TET3: variants seen among roughly 807,000 people sequenced by gnomAD.
TET3 encodes methylcytosine dioxygenase TET3.
TET3 carries 19 observed loss-of-function variants against 141.4 expected under a neutral mutation model. That is an observed-to-expected ratio of 0.13 (90% CI 0.09 to 0.20). The LOEUF is 0.20. TET3 is among the 10% of genes least tolerant of loss of function. TET3 has a pLI of 1.00. For synonymous variants in TET3, 1,043 were observed against 980.9 expected, an observed-to-expected ratio of 1.06 and a Z score of -1.18; for missense variants, 1,874 against 2,356.9, an observed-to-expected ratio of 0.80 and a Z score of 4.24.
chr2:74,020,334 C>A (rs2105237865), intron 3 of TET3, among the ~76,000 whole-genome samples: 1 of 152,300 alleles, frequency 6.6e-6, no homozygotes, highest in East Asian at 1.9e-4. Flanking sequence ...CAGGTGCATA[C>A]CACCACACCC....
At position 73,986,467 on chromosome 2, in the gene TET3, C is replaced by T; in HGVS notation, c.64C>T (p.Gln22Ter). ...PDLPGLYDFP[Q>*]RQVMVGSFPG... The stretch of plus-strand genomic sequence containing the variant: ...CCTGCCAGGCCTTTATGACTTCCCT[C>T]AGCGCCAGGTGATGGTAGGGAGCTT... The change falls in exon 2 of 12, where the codon CAG becomes TAG. Residue 22 changes from glutamine to a stop codon, truncating the protein, a stop_gained. Coordinates refer to ENST00000409262, the MANE Select transcript of TET3 (RefSeq NM_001287491.2). LOFTEE classifies it high-confidence loss of function. 1 of 1,232,234 alleles carries T rather than the reference C, an allele frequency of 8.1e-7. No individual in the cohort carries two copies. Among genetic ancestry groups the T allele is most frequent in the Non-Finnish European group, 1.0e-6 (1 of 988,060 alleles). The allele number at this position is 1,232,234 out of a possible 1,614,324, so 76.3% of individuals were successfully genotyped here. A position where few individuals can be genotyped will look rare whatever the true frequency, so the allele number is the denominator to read the frequency against.
chr2:74,081,212 C>G (rs983435408), intron 6 of TET3, among the ~76,000 whole-genome samples: 1 of 152,170 alleles, frequency 6.6e-6, no homozygotes, highest in African/African-American at 2.4e-5. Context: ...CCCAAGTCAC[C>G]AAACAGAGTC....
intron 3 of TET3, among the ~76,000 whole-genome samples, chr2:74,030,420 A>T (rs1319198685): frequency 6.6e-6 from 1 of 152,138 alleles, no homozygotes; most frequent in Non-Finnish European, 1.5e-5. Context: ...GTTGAATTGT[A>T]TCATAGTTTA....
rs1347585606 is a variant in TET3, at chr2:74,099,558, C to G, written c.3550C>G (p.Pro1184Ala). ...GATTCAGAAGGAGAAGCTGAGCACT[C>G]CGGAGAAGATCAAGCAGGAGGCCCT... ...KKIQKEKLSTPEKIKQEALEL... is the reference protein window; with the variant it reads ...KKIQKEKLSTAEKIKQEALEL... The change falls in exon 11 of 12, where the codon CCG becomes GCG. Residue 1184 changes from proline (P) to alanine (A), a missense_variant. Transcript: ENST00000409262. The G allele has an allele frequency of 1.0e-5, 16 of 1,607,738 alleles. No individual in the cohort carries two copies. Among genetic ancestry groups the G allele is most frequent in the Non-Finnish European group, 1.1e-5 (13 of 1,176,908 alleles).
chr2:74,096,645 G>A (rs1358681732), intron 10 of TET3, among the ~76,000 whole-genome samples: 1 of 152,108 alleles, frequency 6.6e-6, no homozygotes, highest in East Asian at 1.9e-4. Context: ...GCAGGCGCCT[G>A]TAATCCCAGC....
Position 74,093,339 on chromosome 2 carries a change from C to T in TET3, c.3130-190C>T, listed in dbSNP as rs1690620588. Among the ~76,000 whole-genome samples the T allele has an allele frequency of 6.6e-6, 1 of 152,134 alleles. No individual in the cohort carries two copies. The highest frequency in any genetic ancestry group is 2.1e-4 in the South Asian group (1 of 4,828). ...TGGGATAACCCAGAAGGAAGTAATTCCTACAGGAGACTGAAAGTAACTTTT... is the reference window on the plus strand; with the variant it reads ...TGGGATAACCCAGAAGGAAGTAATTTCTACAGGAGACTGAAAGTAACTTTT... On this transcript the variant is annotated intron_variant, in intron 9 of 11. Transcript: ENST00000409262. The surrounding 1 kb of genome is among the most constrained non-coding windows in gnomAD (Gnocchi z 4.2).
chr2:74,032,644 C>T (rs1424244431), intron 3 of TET3, among the ~76,000 whole-genome samples: 4 of 152,072 alleles, frequency 2.6e-5, no homozygotes, highest in Non-Finnish European at 4.4e-5. Flanking sequence ...GCTCGATTTC[C>T]TCCCGGCTGG....
At chr2:74,011,584 G>A (rs1477516575) in intron 3 of TET3, among the ~76,000 whole-genome samples, 2 of 152,134 alleles carry the variant, frequency 1.3e-5, no homozygotes, top group South Asian at 4.1e-4. Context: ...GCTCCTCCCC[G>A]GTGTCACTCT....
intron 2 of TET3, among the ~76,000 whole-genome samples, chr2:73,987,039 C>T (rs1684064340): frequency 6.6e-6 from 1 of 152,164 alleles, no homozygotes; most frequent in Non-Finnish European, 1.5e-5. Flanking sequence ...CATGCTAATG[C>T]TTGGATGACT....
At chr2:73,997,572 C>G (rs1684656649) in intron 2 of TET3, among the ~76,000 whole-genome samples, 1 of 152,128 alleles carries the variant, frequency 6.6e-6, no homozygotes, top group African/African-American at 2.4e-5. Context: ...AGAGAGACAC[C>G]TTCCTGGTGT....
At chr2:74,064,810 T>C (rs1688793273) in intron 4 of TET3, among the ~76,000 whole-genome samples, 1 of 152,188 alleles carries the variant, frequency 6.6e-6, no homozygotes, top group Non-Finnish European at 1.5e-5. Flanking sequence ...TATTAATAAA[T>C]GGTAAATATG....
chr2:73,992,810 A>G (rs938991455), intron 2 of TET3, among the ~76,000 whole-genome samples: 1 of 152,230 alleles, frequency 6.6e-6, no homozygotes, highest in Non-Finnish European at 1.5e-5. Flanking sequence ...TGAGAGTTCT[A>G]GAACAGATTG....
chr2:74,018,365 G>A (rs6546885), intron 3 of TET3, among the ~76,000 whole-genome samples: 59,001 of 152,022 alleles, frequency 0.39, 14,301 homozygotes, highest in African/African-American at 0.69. Flanking sequence ...ATTTTGGCCT[G>A]TTTGTCTTTC....
At chr2:74,129,028 G>T in the TET3 span, among the ~76,000 whole-genome samples, 13 of 142,830 alleles carry the variant, frequency 9.1e-5, no homozygotes, top group African/African-American at 3.2e-4. Context: ...GGCTGGGCAT[G>T]ATGGCTCACA....
chr2:74,102,031 G>A lies in TET3; in HGVS notation c.5243G>A (p.Gly1748Asp), dbSNP rs771875552. 6.4e-7 allele frequency: 1 copy of A among 1,559,086 alleles called. No homozygotes were observed. The highest frequency in any genetic ancestry group is 2.3e-5 in the East Asian group (1 of 44,136). Residue 1748 changes from glycine to aspartate, a missense_variant, in exon 12 of 12, where the codon GGC becomes GAC. Physicochemically the swap from Gly to Asp is moderately conservative, Grantham distance 94. This residue lies in a region of TET3 where 113 missense variants were observed against 114.3 expected (regional missense o/e 0.99). Coordinates refer to ENST00000409262, the MANE Select transcript of TET3 (RefSeq NM_001287491.2). ...KLYGKKRKWG[G>D]TVVAEPQQKE... ...TACGGGAAGAAGCGCAAGTGGGGGGGCACTGTGGTTGCTGAGCCCCAGCAG... is the reference window on the plus strand; with the variant it reads ...TACGGGAAGAAGCGCAAGTGGGGGGACACTGTGGTTGCTGAGCCCCAGCAG...
Position 74,101,646 on chromosome 2 carries a change from G to A in TET3, c.4858G>A (p.Gly1620Arg). 6.2e-7 allele frequency: 1 copy of A among 1,613,732 alleles called. No homozygotes were observed. Among genetic ancestry groups the A allele is most frequent in the Middle Eastern group, 1.7e-4 (1 of 6,060 alleles). Residue 1620 changes from glycine (G) to arginine (R), a missense_variant, in exon 12 of 12, where the codon GGA (glycine) becomes AGA (arginine). This residue lies in a region of TET3 where 602 missense variants were observed against 590.2 expected (regional missense o/e 1.02). Coordinates refer to ENST00000409262, the MANE Select transcript of TET3 (RefSeq NM_001287491.2). This position sits in a 1 kb window ranked among gnomAD's most constrained non-coding sequence, Gnocchi z 8.5. The stretch of plus-strand genomic sequence containing the variant: ...GCCGGCTGAGGAGCCCCCCAGCAAG[G>A]GAGCGGTGAAGGAGGAGAAGGGCGG... ...EGPAEEPPSK[G>R]AVKEEKGGGG...
At chr2:74,033,855 G>A (rs1374328133) in intron 3 of TET3, among the ~76,000 whole-genome samples, 1 of 152,122 alleles carries the variant, frequency 6.6e-6, no homozygotes. Context: ...CAGCACTTTG[G>A]GAGGCTGAGG....
chr2:74,095,999 T>C (rs1018025985), intron 10 of TET3, among the ~76,000 whole-genome samples: 1 of 152,190 alleles, frequency 6.6e-6, no homozygotes, highest in African/African-American at 2.4e-5. Flanking sequence ...ACTAGAGAGG[T>C]TGAACATTTT....
chr2:74,091,215 A>G (rs557277300), intron 8 of TET3, among the ~76,000 whole-genome samples: 1 of 152,258 alleles, frequency 6.6e-6, no homozygotes, highest in South Asian at 2.1e-4. Context: ...CAAGCAGCAG[A>G]TGTGGTTGCT....
Sources: gnomAD v4.1 joint callset for allele counts (sites outside exome capture counted in the v4.1 genomes callset) on GRCh38, gnomAD v4.1.1 for gene constraint, gnomAD v4.1.1 regional missense constraint, Gnocchi (gnomAD v3.1) non-coding constraint, MANE v1.5 for transcripts, NCBI Gene and HGNC (gene_info 2026-07-23, HGNC 2026-07-21) for gene names.